Variants in SYNE1 observed in about 807,000 individuals in gnomAD.
SYNE1 encodes the protein spectrin repeat containing nuclear envelope protein 1, also known as nesprin-1.
SYNE1 carries 616 observed loss-of-function variants against 1,111.0 expected under a neutral mutation model. The observed-to-expected ratio is 0.55, with a 90% CI of 0.52 to 0.59. The LOEUF (loss-of-function observed/expected upper bound fraction) is 0.59, where lower values mean the gene tolerates loss of function less well. Ranked by LOEUF, SYNE1 falls within the 20% of genes least tolerant of loss-of-function variation. The probability of loss-of-function intolerance (pLI) is 0.00; values close to 1 mark genes in which losing one functional copy is unlikely to be tolerated. For synonymous variants in SYNE1, 3,855 were observed against 3,825.8 expected, an observed-to-expected ratio of 1.01 and a Z score of -0.28; for missense variants, 10,006 against 10,417.0, an observed-to-expected ratio of 0.96 and a Z score of 1.72.
intron 101 of SYNE1, among the ~76,000 whole-genome samples, chr6:152,258,616 A>G (rs759777369): frequency 3.3e-5 from 5 of 152,156 alleles, no homozygotes; most frequent in Non-Finnish European, 5.9e-5. Context: ...TGCTTTCATT[A>G]TTAACCCCAT....
intron 3 of SYNE1, among the ~76,000 whole-genome samples, chr6:152,544,372 AC>A (rs1305682643): frequency 6.6e-6 from 1 of 152,130 alleles, no homozygotes; most frequent in Non-Finnish European, 1.5e-5. Flanking sequence ...AAAAGCAACA[AC>A]CACAGAGGAG....
At position 152,532,142 on chromosome 6, in the gene SYNE1, TATC is replaced by T. The variant is rs71922209; in HGVS notation, c.130-5970_130-5968del. On this transcript the variant is annotated intron_variant, in intron 4 of 145. Transcript: ENST00000367255. ...AACCTACTTTGAAACATTACTAGCA[TATC>T]ATCACTGTATGAGGTACAAATTTCT... Among the ~76,000 whole-genome samples the T allele has an allele frequency of 5.8e-4, 88 of 152,368 alleles. 1 individual carries two copies. In the East Asian group the frequency reaches 0.016, roughly 27 times the overall value.
At chr6:152,328,380 TTTTATTTATTTATTTATTTA>T (rs56379838) in intron 78 of SYNE1, among the ~76,000 whole-genome samples, 1,569 of 137,550 alleles carry the variant, frequency 0.011, 38 homozygotes, top group African/African-American at 0.042. Flanking sequence ...TCTTATTTTA[TTTTATTTATTTATTTATTTA>T]TTTATTTATT....
chr6:152,303,716 C>T (rs575574325), intron 91 of SYNE1, among the ~76,000 whole-genome samples: 2 of 152,146 alleles, frequency 1.3e-5, no homozygotes, highest in South Asian at 4.1e-4. Context: ...AATGTAGATG[C>T]TATGCATTAT....
At chr6:152,516,522 G>C (rs1346996348) in intron 6 of SYNE1, among the ~76,000 whole-genome samples, 1 of 152,106 alleles carries the variant, frequency 6.6e-6, no homozygotes, top group African/African-American at 2.4e-5. Context: ...GAATGAAGTA[G>C]GACACTGTTG....
At chr6:152,264,206 C>CAAAA (rs56714685) in intron 100 of SYNE1, among the ~76,000 whole-genome samples, 3 of 45,894 alleles carry the variant, frequency 6.5e-5, no homozygotes, top group Non-Finnish European at 1.1e-4. Context: ...GACTCCATCT[C>CAAAA]AAAAAAAAAA....
chr6:152,423,782 CCT>C (rs1160037836), intron 39 of SYNE1, among the ~76,000 whole-genome samples: 1 of 152,202 alleles, frequency 6.6e-6, no homozygotes, highest in African/African-American at 2.4e-5. Context: ...CCACTGACTT[CCT>C]CTCTGTCTCC....
chr6:152,595,708 G>T (rs552269710), intron 3 of SYNE1, among the ~76,000 whole-genome samples: 2 of 152,196 alleles, frequency 1.3e-5, no homozygotes, highest in South Asian at 2.1e-4. Context: ...AATGCAATTG[G>T]CTCTACATCT....
intron 125 of SYNE1, 72 bp downstream of exon 125, chr6:152,207,900 A>G (rs1475698483): frequency 6.6e-7 from 1 of 1,512,192 alleles, no homozygotes; most frequent in Admixed American, 1.7e-5. Context: ...TCCTTTTGAA[A>G]AACCGAGGCG....
intron 10 of SYNE1, among the ~76,000 whole-genome samples, chr6:152,501,603 T>C (rs1212196623): frequency 3.9e-5 from 6 of 152,050 alleles, no homozygotes; most frequent in East Asian, 1.9e-4. Flanking sequence ...GGCATGGTGA[T>C]GTGCAACTGA....
At chr6:152,238,832 T>C (rs1022317785) in intron 108 of SYNE1, among the ~76,000 whole-genome samples, 1 of 152,088 alleles carries the variant, frequency 6.6e-6, no homozygotes, top group African/African-American at 2.4e-5. Context: ...TAGCCACCAC[T>C]GAGCACTACT....
chr6:152,495,944 T>C (rs1191321504), intron 11 of SYNE1, among the ~76,000 whole-genome samples: 2 of 152,208 alleles, frequency 1.3e-5, no homozygotes, highest in African/African-American at 2.4e-5. Flanking sequence ...ATTTCTTTTG[T>C]GGCACAGAAA....
In SYNE1 at chr6:152,429,763, C is replaced by G. The variant is rs76727195; in HGVS notation, c.4788+349G>C. On this transcript the variant is annotated intron_variant, in intron 36 of 145. Coordinates refer to ENST00000367255, the MANE Select transcript of SYNE1 (RefSeq NM_182961.4). ...AGTACAGTGGGTTAAAATATGAAGACAGCTATACACATATATTTTTCCTTG... is the reference window on the plus strand; with the variant it reads ...AGTACAGTGGGTTAAAATATGAAGAGAGCTATACACATATATTTTTCCTTG... Among the ~76,000 whole-genome samples the G allele has an allele frequency of 5.3e-5, 8 of 152,250 alleles. No individual in the cohort carries two copies. In the East Asian group the frequency reaches 1.5e-3, roughly 29 times the overall value.
intron 87 of SYNE1, chr6:152,316,564 T>C: frequency 2.4e-6 from 1 of 415,598 alleles, no homozygotes; most frequent in South Asian, 2.4e-5. Context: ...AGATAATTAT[T>C]TCAAAGAAGC....
At chr6:152,487,472 G>C (rs1357738198) in intron 12 of SYNE1, among the ~76,000 whole-genome samples, 1 of 152,124 alleles carries the variant, frequency 6.6e-6, no homozygotes, top group Non-Finnish European at 1.5e-5. Flanking sequence ...GGTTGATTCT[G>C]TGTCTTTGCT....
chr6:152,404,688 T>C (rs753780248), intron 45 of SYNE1, among the ~76,000 whole-genome samples: 6 of 152,200 alleles, frequency 3.9e-5, no homozygotes, highest in Non-Finnish European at 7.3e-5. Context: ...ATGAAACTCT[T>C]GAAGAAGCAT....
At chr6:152,471,919 G>C (rs2098807820) in intron 15 of SYNE1, 154 bp from the exon 16 acceptor site, 4 of 771,434 alleles carry the variant, frequency 5.2e-6, no homozygotes, top group African/African-American at 1.7e-5. Context: ...TCCTTTTCTA[G>C]CTCTGGATTT....
intron 51 of SYNE1, among the ~76,000 whole-genome samples, chr6:152,395,167 A>G (rs912815947): frequency 6.6e-6 from 1 of 151,970 alleles, no homozygotes; most frequent in Non-Finnish European, 1.5e-5. Flanking sequence ...ACATTATGTT[A>G]ATTGATCCTC....
chr6:152,519,284 G>C (rs997866847), intron 6 of SYNE1, among the ~76,000 whole-genome samples: 1 of 152,160 alleles, frequency 6.6e-6, no homozygotes, highest in Non-Finnish European at 1.5e-5. Context: ...TCACTAAAAG[G>C]AACGAAGCCT....
Sources: gnomAD v4.1 joint callset for allele counts (sites outside exome capture counted in the v4.1 genomes callset) on GRCh38, gnomAD v4.1.1 for gene constraint, MANE v1.5 for transcripts, NCBI Gene and HGNC (gene_info 2026-07-23, HGNC 2026-07-21) for gene names.